The following ESR1 variants were observed in gnomAD, a reference collection of about 807,000 sequenced individuals.
ESR1 encodes estrogen receptor 1, also known as estrogen receptor.
ESR1 carries 12 observed loss-of-function variants against 52.7 expected under a neutral mutation model. That is an observed-to-expected ratio of 0.23 (90% CI 0.15 to 0.37). ESR1 has a LOEUF of 0.37. ESR1 is among the 10% of genes least tolerant of loss of function. The pLI, the probability that ESR1 is intolerant of heterozygous loss-of-function variation, is 1.00. For missense variants in ESR1, 584 were observed against 779.7 expected, an observed-to-expected ratio of 0.75 and a Z score of 2.99; for synonymous variants, 305 against 316.8, an observed-to-expected ratio of 0.96 and a Z score of 0.39.
intron 5 of ESR1, among the ~76,000 whole-genome samples, chr6:152,041,040 G>A (rs2128895604): frequency 6.6e-6 from 1 of 152,198 alleles, no homozygotes; most frequent in East Asian, 1.9e-4. Context: ...GTAGCTTGGT[G>A]ATTTGATGAC....
intron 1 of ESR1, among the ~76,000 whole-genome samples, chr6:151,825,850 G>A (rs1781385818): frequency 7.1e-6 from 1 of 141,708 alleles, no homozygotes; most frequent in African/African-American, 2.7e-5. Context: ...GGTGGAGGTT[G>A]CAGTGAGCCA....
At chr6:152,050,573 G>A (rs9341008) in intron 5 of ESR1, among the ~76,000 whole-genome samples, 3,428 of 152,116 alleles carry the variant, frequency 0.023, 111 homozygotes, top group African/African-American at 0.075. Flanking sequence ...TAGCCCATTT[G>A]CCTTGACCCA....
chr6:151,729,449 A>G (rs1782082484), intron 2 of ESR1, among the ~76,000 whole-genome samples: 1 of 152,314 alleles, frequency 6.6e-6, no homozygotes, highest in African/African-American at 2.4e-5. Context: ...TATGTGGCCT[A>G]TGTGTCCCTG....
At chr6:152,063,991 C>G (rs1229846892) in intron 6 of ESR1, among the ~76,000 whole-genome samples, 6 of 152,164 alleles carry the variant, frequency 3.9e-5, no homozygotes, top group Admixed American at 2.6e-4. Flanking sequence ...CTCTCAAATG[C>G]CAAAATTTCC....
intron 1 of ESR1, among the ~76,000 whole-genome samples, chr6:151,695,851 G>A (rs934964018): frequency 8.5e-5 from 13 of 152,136 alleles, no homozygotes; most frequent in African/African-American, 3.1e-4. Flanking sequence ...ATCCGTTTTA[G>A]TATCTTTCAC....
chr6:152,066,087 A>G (rs2047941666), intron 6 of ESR1, among the ~76,000 whole-genome samples: 3 of 152,234 alleles, frequency 2.0e-5, no homozygotes, highest in South Asian at 2.1e-4. Context: ...GCTGTCTGCC[A>G]TATAGTCATG....
intron 3 of ESR1, among the ~76,000 whole-genome samples, chr6:151,903,611 A>G (rs1388095108): frequency 3.9e-5 from 6 of 152,172 alleles, no homozygotes; most frequent in Non-Finnish European, 8.8e-5. Flanking sequence ...TTAATCATCC[A>G]TGCATATGAC....
intron 4 of ESR1, among the ~76,000 whole-genome samples, chr6:151,960,351 C>A (rs1315388874): frequency 6.6e-6 from 1 of 152,098 alleles, no homozygotes; most frequent in Non-Finnish European, 1.5e-5. Context: ...GAACTGTGGA[C>A]AAAAGAAAAC....
intron 2 of ESR1, among the ~76,000 whole-genome samples, chr6:151,704,919 T>C (rs1780067502): frequency 6.6e-6 from 1 of 151,068 alleles, no homozygotes; most frequent in African/African-American, 2.4e-5. Context: ...AGGTTATGTA[T>C]GCAGGCAGAG....
At chr6:151,665,438 G>A (rs1191430472) in intron 1 of ESR1, among the ~76,000 whole-genome samples, 4 of 152,160 alleles carry the variant, frequency 2.6e-5, no homozygotes, top group Non-Finnish European at 5.9e-5. Flanking sequence ...TGCAGTTAGA[G>A]GATCGTGATC....
At chr6:151,809,470 G>A (rs1778448032) in intron 1 of ESR1, among the ~76,000 whole-genome samples, 1 of 152,186 alleles carries the variant, frequency 6.6e-6, no homozygotes, top group South Asian at 2.1e-4. Flanking sequence ...CCCGGACTGG[G>A]TTTGGAAGCT....
chr6:151,831,122 A>T (rs968550372), intron 1 of ESR1, among the ~76,000 whole-genome samples: 1 of 150,814 alleles, frequency 6.6e-6, no homozygotes, highest in Non-Finnish European at 1.5e-5. Context: ...ACAATAAATA[A>T]TTGTAGACAA....
chr6:151,839,310 T>C (rs996925342), intron 1 of ESR1, among the ~76,000 whole-genome samples: 1 of 152,076 alleles, frequency 6.6e-6, no homozygotes, highest in Non-Finnish European at 1.5e-5. Flanking sequence ...TCGCACTCAT[T>C]AGGATGGCTA....
In ESR1 at chr6:152,061,022, G is replaced by A. The variant is rs1213012596; in HGVS notation, c.1267G>A (p.Glu423Lys). The change falls in exon 6 of 8, where the codon GAG (glutamate) becomes AAG (lysine). Residue 423 changes from glutamate (E) to lysine (K), a missense_variant. Coordinates refer to ENST00000206249, the MANE Select transcript of ESR1 (RefSeq NM_000125.4). The surrounding 1 kb of genome is among the most constrained non-coding windows in gnomAD (Gnocchi z 4.3). ...NQGKCVEGMV[E>K]IFDMLLATSS... ...GGGAAAATGTGTAGAGGGCATGGTG[G>A]AGATCTTCGACATGCTGCTGGCTAC... 1 of 1,611,906 alleles carries A rather than the reference G, an allele frequency of 6.2e-7. No individual in the cohort carries two copies. Among genetic ancestry groups the A allele is most frequent in the Non-Finnish European group, 8.5e-7 (1 of 1,178,806 alleles).
At chr6:151,709,597 C>A (rs1780436544) in intron 2 of ESR1, among the ~76,000 whole-genome samples, 1 of 152,138 alleles carries the variant, frequency 6.6e-6, no homozygotes, top group Admixed American at 6.6e-5. Flanking sequence ...CAAGGGTTCT[C>A]TTTACTCCGC....
At chr6:151,935,405 C>T (rs1033446687) in intron 3 of ESR1, among the ~76,000 whole-genome samples, 4 of 152,208 alleles carry the variant, frequency 2.6e-5, no homozygotes, top group African/African-American at 7.2e-5. Flanking sequence ...CAGTGTGGTG[C>T]CTTGGGGGCA....
chr6:151,853,265 G>A (rs1787218530), intron 2 of ESR1, among the ~76,000 whole-genome samples: 1 of 151,392 alleles, frequency 6.6e-6, no homozygotes, highest in Admixed American at 6.6e-5. Context: ...TCAGGTATTG[G>A]TAAATTTGCT....
chr6:152,076,121 A>G lies in ESR1; in HGVS notation c.1369+14997A>G, dbSNP rs146573255. On this transcript the variant is annotated intron_variant, in intron 6 of 7. Coordinates refer to ENST00000206249, the MANE Select transcript of ESR1 (RefSeq NM_000125.4). Reference sequence around the variant, plus strand: ...TGGTTTGGCTCTGTGTCCCCACCCAAATTTCATCTTGAATTTTACTCACAT... The same window carrying G: ...TGGTTTGGCTCTGTGTCCCCACCCAGATTTCATCTTGAATTTTACTCACAT... 8.5e-3 allele frequency among the ~76,000 whole-genome samples: 1,298 copies of G among 152,256 alleles called. 9 individuals are homozygous for G. The highest frequency in any genetic ancestry group is 0.013 in the Non-Finnish European group (896 of 68,008).
At chr6:152,022,497 G>A (rs137912929) in intron 5 of ESR1, among the ~76,000 whole-genome samples, 33 of 152,242 alleles carry the variant, frequency 2.2e-4, no homozygotes, top group African/African-American at 7.2e-4. Flanking sequence ...AGTGTGGAAC[G>A]AATGTGATGA....
Sources: allele counts gnomAD v4.1 joint callset (sites outside exome capture counted in the v4.1 genomes callset), GRCh38; gene constraint gnomAD v4.1.1; non-coding constraint Gnocchi (gnomAD v3.1); transcripts MANE v1.5; gene names NCBI Gene and HGNC (gene_info 2026-07-23, HGNC 2026-07-21).